MED13L: variants seen among roughly 807,000 people sequenced by gnomAD.
MED13L encodes the protein mediator complex subunit 13L.
Under a neutral mutation model 220.9 loss-of-function variants are expected in MED13L, and 7 were observed. That is an observed-to-expected ratio of 0.03 (90% CI 0.02 to 0.06). MED13L has a LOEUF of 0.06. MED13L is among the 10% of genes least tolerant of loss of function. MED13L has a pLI of 1.00. For synonymous variants in MED13L, 1,011 were observed against 1,015.2 expected, an observed-to-expected ratio of 1.00 and a Z score of 0.08; for missense variants, 1,965 against 2,760.5, an observed-to-expected ratio of 0.71 and a Z score of 6.46.
chr12:116,124,969 A>G (rs999243061), intron 2 of MED13L, among the ~76,000 whole-genome samples: 1 of 152,232 alleles, frequency 6.6e-6, no homozygotes, highest in African/African-American at 2.4e-5. Context: ...ATACTTTTTC[A>G]AAGTTAGCAG....
intron 1 of MED13L, among the ~76,000 whole-genome samples, chr12:116,276,252 C>G (rs1477925540): frequency 6.7e-6 from 1 of 150,028 alleles, no homozygotes; most frequent in Admixed American, 6.7e-5. Flanking sequence ...AGAGAGAGCG[C>G]GAGAGAGGCG....
intron 4 of MED13L, among the ~76,000 whole-genome samples, chr12:116,086,275 C>T (rs1182004491): frequency 2.8e-5 from 4 of 142,610 alleles, no homozygotes; most frequent in African/African-American, 5.2e-5. Context: ...CAGTTTTCCA[C>T]GATAATTCTT....
chr12:115,995,104 T>C (rs996201216), intron 16 of MED13L, among the ~76,000 whole-genome samples: 9 of 152,214 alleles, frequency 5.9e-5, no homozygotes, highest in Non-Finnish European at 1.2e-4. Flanking sequence ...TTTCTGACAC[T>C]GACTTTATAT....
rs373864035 is a variant in MED13L, at chr12:116,005,654, C to T, written c.2469+215G>A. On this transcript the variant is annotated intron_variant, in intron 13 of 30. Coordinates refer to ENST00000281928, the MANE Select transcript of MED13L (RefSeq NM_015335.5). ...ATGAACAAAACTCGAGGTGGATACA[C>T]TACACTAATAACCTTTACAATCTTT... 9.4e-4 allele frequency among the ~76,000 whole-genome samples: 143 copies of T among 152,240 alleles called. 4 individuals are homozygous for T. The highest frequency in any genetic ancestry group is 3.4e-3 in the African/African-American group (140 of 41,534).
intron 4 of MED13L, among the ~76,000 whole-genome samples, chr12:116,062,138 G>A (rs1869548601): frequency 6.6e-6 from 1 of 151,816 alleles, no homozygotes; most frequent in African/African-American, 2.4e-5. Context: ...GGGTATGGTG[G>A]TGCATGCCTG....
At chr12:116,059,563 G>T (rs763676426) in intron 4 of MED13L, among the ~76,000 whole-genome samples, 10 of 151,470 alleles carry the variant, frequency 6.6e-5, no homozygotes, top group Non-Finnish European at 1.3e-4. Context: ...GATTACAGAC[G>T]CCCGCCACCA....
intron 9 of MED13L, among the ~76,000 whole-genome samples, chr12:116,011,368 T>A (rs1228876092): frequency 6.6e-6 from 1 of 152,206 alleles, no homozygotes; most frequent in Non-Finnish European, 1.5e-5. Flanking sequence ...AAGCAAAGCA[T>A]TATTTGTTTA....
rs1352617205 is a variant in MED13L at position 116,031,752 on chromosome 12, A to AGGAAGGAAGG, written c.480-9152_480-9151insCCTTCCTTCC. 1.0e-2 allele frequency among the ~76,000 whole-genome samples: 313 copies of AGGAAGGAAGG among 31,434 alleles called. 14 individuals are homozygous for AGGAAGGAAGG. The highest frequency in any genetic ancestry group is 0.029 in the African/African-American group (189 of 6,434). The allele number at this position is 31,434 out of a possible 152,430, so 20.6% of individuals were successfully genotyped here. A position where few individuals can be genotyped will look rare whatever the true frequency, so the allele number is the denominator to read the frequency against. On this transcript the variant is annotated intron_variant, in intron 4 of 30. Coordinates refer to ENST00000281928, the MANE Select transcript of MED13L (RefSeq NM_015335.5). ...AAAGAAAAGAAAAGAAAAGAAAAGA[A>AGGAAGGAAGG]AAGAAAAGAAGGAAGGAAGGAAGGA...
intron 1 of MED13L, among the ~76,000 whole-genome samples, chr12:116,249,108 C>T (rs777430605): frequency 6.6e-6 from 1 of 152,158 alleles, no homozygotes; most frequent in Non-Finnish European, 1.5e-5. Context: ...TAAAATTCAA[C>T]AAGGTCAGGC....
intron 2 of MED13L, among the ~76,000 whole-genome samples, chr12:116,206,074 C>CTTTTTTTTT (rs1160337465): frequency 5.7e-5 from 5 of 87,224 alleles, no homozygotes; most frequent in Non-Finnish European, 8.5e-5. Flanking sequence ...GTATTATTAC[C>CTTTTTTTTT]TTTTTTTTTT....
At chr12:116,261,412 A>C (rs1036030601) in intron 1 of MED13L, among the ~76,000 whole-genome samples, 3 of 150,632 alleles carry the variant, frequency 2.0e-5, no homozygotes, top group African/African-American at 7.4e-5. Flanking sequence ...TGGAAGAATC[A>C]CTTGAACCTC....
At chr12:116,265,459 T>C (rs1483490903) in intron 1 of MED13L, among the ~76,000 whole-genome samples, 2 of 152,240 alleles carry the variant, frequency 1.3e-5, no homozygotes, top group African/African-American at 4.8e-5. Context: ...TTTAACACAC[T>C]TGTTTTTCCT....
chr12:116,231,140 G>T (rs1869518062), intron 2 of MED13L, among the ~76,000 whole-genome samples: 1 of 152,124 alleles, frequency 6.6e-6, no homozygotes, highest in African/African-American at 2.4e-5. Flanking sequence ...TTTTCGGTTG[G>T]TTTAAACAGG....
intron 4 of MED13L, among the ~76,000 whole-genome samples, chr12:116,047,563 A>T (rs1450762575): frequency 6.6e-6 from 1 of 152,244 alleles, no homozygotes; most frequent in African/African-American, 2.4e-5. Context: ...TAATGTTAGT[A>T]ATTAGAAACA....
At chr12:116,188,644 A>G (rs1296017902) in intron 2 of MED13L, among the ~76,000 whole-genome samples, 1 of 152,160 alleles carries the variant, frequency 6.6e-6, no homozygotes, top group Non-Finnish European at 1.5e-5. Context: ...CATCACAACC[A>G]GCATATTGAC....
chr12:116,071,142 A>C (rs1390982098), intron 4 of MED13L, among the ~76,000 whole-genome samples: 1 of 152,196 alleles, frequency 6.6e-6, no homozygotes, highest in African/African-American at 2.4e-5. Flanking sequence ...TAATGAATAA[A>C]GTAATAAATG....
At chr12:116,216,640 G>A (rs981768417) in intron 2 of MED13L, among the ~76,000 whole-genome samples, 1 of 152,134 alleles carries the variant, frequency 6.6e-6, no homozygotes, top group Non-Finnish European at 1.5e-5. Context: ...TGTACTGACT[G>A]CTGGGGGAAA....
chr12:116,151,205 T>C (rs963033308), intron 2 of MED13L, among the ~76,000 whole-genome samples: 4 of 152,192 alleles, frequency 2.6e-5, no homozygotes, highest in Admixed American at 2.6e-4. Flanking sequence ...GGGAGATATT[T>C]AGTTATGAAT....
intron 16 of MED13L, 87 bp downstream of exon 16, chr12:115,996,389 G>T: frequency 6.7e-7 from 1 of 1,485,978 alleles, no homozygotes; most frequent in Non-Finnish European, 9.4e-7. Context: ...ACCGCGCCCG[G>T]ACCTTGTCAT....
Sources: gnomAD v4.1 joint callset for allele counts (sites outside exome capture counted in the v4.1 genomes callset) on GRCh38, gnomAD v4.1.1 for gene constraint, MANE v1.5 for transcripts, NCBI Gene and HGNC (gene_info 2026-07-23, HGNC 2026-07-21) for gene names.